The following DLGAP1 variants were observed in gnomAD, a reference collection of about 807,000 sequenced individuals.
DLGAP1 encodes the protein disks large-associated protein 1.
A neutral mutation model predicts 90.8 loss-of-function variants in DLGAP1; 11 were observed. That is an observed-to-expected ratio of 0.12 (90% CI 0.08 to 0.20). DLGAP1 has a LOEUF of 0.20. Ranked by LOEUF, DLGAP1 falls within the 10% of genes least tolerant of loss-of-function variation. The pLI, the probability that DLGAP1 is intolerant of heterozygous loss-of-function variation, is 1.00. For synonymous variants in DLGAP1, 558 were observed against 540.7 expected, an observed-to-expected ratio of 1.03 and a Z score of -0.44; for missense variants, 1,050 against 1,333.8, an observed-to-expected ratio of 0.79 and a Z score of 3.31.
chr18:4,144,441 C>CA (rs2076549558), intron 2 of DLGAP1, among the ~76,000 whole-genome samples: 1 of 152,194 alleles, frequency 6.6e-6, no homozygotes, highest in Non-Finnish European at 1.5e-5. Context: ...TCCCTCCCCC[C>CA]AGGCACACCG....
chr18:4,402,401 A>G (rs1287045919), intron 1 of DLGAP1, among the ~76,000 whole-genome samples: 1 of 152,260 alleles, frequency 6.6e-6, no homozygotes, highest in Non-Finnish European at 1.5e-5. Context: ...AATGTTAGGA[A>G]CTAAAATATA....
intron 2 of DLGAP1, among the ~76,000 whole-genome samples, chr18:4,016,769 GAGAAGGCAGGGCTCCTGAGC>G (rs745514209): frequency 1.2e-4 from 18 of 152,210 alleles, no homozygotes; most frequent in Non-Finnish European, 1.0e-4. Flanking sequence ...CACTGCAAGG[GAGAAGGCAGGGCTCCTGAGC>G]TCAGTTCAGG....
chr18:3,649,895 A>G (rs187135223), intron 7 of DLGAP1, among the ~76,000 whole-genome samples: 1 of 152,308 alleles, frequency 6.6e-6, no homozygotes, highest in Non-Finnish European at 1.5e-5. Context: ...TAATCACAAG[A>G]TGACAAATGG....
intron 5 of DLGAP1, among the ~76,000 whole-genome samples, chr18:3,791,166 T>C (rs368409338): frequency 6.6e-6 from 1 of 152,158 alleles, no homozygotes; most frequent in East Asian, 1.9e-4. Context: ...CTCCTCAGGA[T>C]ATGAAAAATG....
At chr18:3,886,870 A>G (rs559233448) in intron 3 of DLGAP1, among the ~76,000 whole-genome samples, 3 of 152,344 alleles carry the variant, frequency 2.0e-5, no homozygotes, top group African/African-American at 7.2e-5. Context: ...AGTGAGGGGC[A>G]TACGCTTCTT....
chr18:4,432,451 C>T (rs1426612917), intron 1 of DLGAP1, among the ~76,000 whole-genome samples: 2 of 150,424 alleles, frequency 1.3e-5, no homozygotes, highest in East Asian at 3.9e-4. Context: ...TCCAATAGCT[C>T]TAATTTTAAA....
chr18:4,334,212 C>A (rs183339352), intron 1 of DLGAP1, among the ~76,000 whole-genome samples: 1 of 151,434 alleles, frequency 6.6e-6, no homozygotes, highest in Non-Finnish European at 1.5e-5. Context: ...CACTCCAGCC[C>A]GGGCAACAAG....
At chr18:3,884,274 T>C (rs2071253328) in intron 3 of DLGAP1, among the ~76,000 whole-genome samples, 1 of 152,236 alleles carries the variant, frequency 6.6e-6, no homozygotes, top group Non-Finnish European at 1.5e-5. Context: ...GAGGACATTT[T>C]TGCCTTTCAA....
chr18:3,558,541 T>C (rs760805229), intron 9 of DLGAP1, among the ~76,000 whole-genome samples: 227 of 152,270 alleles, frequency 1.5e-3, no homozygotes, highest in Non-Finnish European at 2.6e-3. Context: ...CTAGAATTCA[T>C]GTATTTTGAA....
chr18:3,611,991 G>A (rs545277164), intron 7 of DLGAP1, among the ~76,000 whole-genome samples: 26 of 152,346 alleles, frequency 1.7e-4, no homozygotes, highest in Middle Eastern at 3.4e-3. Context: ...AGCCCTAAGT[G>A]TATCCACTTA....
chr18:3,929,105 G>A (rs1460379948), intron 3 of DLGAP1, among the ~76,000 whole-genome samples: 1 of 152,278 alleles, frequency 6.6e-6, no homozygotes, highest in East Asian at 1.9e-4. Context: ...ATGGAGAACT[G>A]TGAGCCAGCT....
chr18:3,747,159 G>A (rs1404301046), intron 5 of DLGAP1, among the ~76,000 whole-genome samples: 2 of 152,038 alleles, frequency 1.3e-5, no homozygotes, highest in Non-Finnish European at 2.9e-5. Flanking sequence ...GACCAGCCTG[G>A]GCTACATAGT....
chr18:4,394,251 C>T (rs964087215), intron 1 of DLGAP1, among the ~76,000 whole-genome samples: 13 of 152,226 alleles, frequency 8.5e-5, no homozygotes, highest in East Asian at 3.9e-4. Context: ...CTAGATGACA[C>T]GGATTTCGCT....
intron 10 of DLGAP1, among the ~76,000 whole-genome samples, chr18:3,512,183 G>A (rs2050583570): frequency 6.6e-6 from 1 of 152,094 alleles, no homozygotes; most frequent in African/African-American, 2.4e-5. Flanking sequence ...GTGTCAGCCA[G>A]GCAAGCCGTT....
chr18:4,001,642 C>G (rs1410436405), intron 3 of DLGAP1, among the ~76,000 whole-genome samples: 1 of 152,194 alleles, frequency 6.6e-6, no homozygotes, highest in East Asian at 1.9e-4. Context: ...CCTCCACTTG[C>G]ATCTGCGTCT....
intron 2 of DLGAP1, among the ~76,000 whole-genome samples, chr18:4,050,559 G>A (rs182310201): frequency 8.9e-4 from 135 of 152,210 alleles, no homozygotes; most frequent in African/African-American, 3.0e-3. Flanking sequence ...TTCTATCCAC[G>A]TTATTAATAC....
At chr18:3,588,296 C>T (rs1243089252) in intron 7 of DLGAP1, among the ~76,000 whole-genome samples, 2 of 152,098 alleles carry the variant, frequency 1.3e-5, no homozygotes, top group Admixed American at 1.3e-4. Context: ...CCCATCTCTA[C>T]TAAAAATACA....
chr18:3,604,984 G>A (rs2057260097), intron 7 of DLGAP1, among the ~76,000 whole-genome samples: 1 of 152,138 alleles, frequency 6.6e-6, no homozygotes, highest in Non-Finnish European at 1.5e-5. Context: ...GGAGAAATAC[G>A]TTTCTACTTA....
chr18:4,106,722 C>G (rs576038951), intron 2 of DLGAP1, among the ~76,000 whole-genome samples: 2 of 152,134 alleles, frequency 1.3e-5, no homozygotes, highest in Non-Finnish European at 2.9e-5. Flanking sequence ...AAAAGTTGTA[C>G]GTAGAAGAAT....
Sources: gnomAD v4.1 joint callset for allele counts (sites outside exome capture counted in the v4.1 genomes callset) on GRCh38, gnomAD v4.1.1 for gene constraint, MANE v1.5 for transcripts, NCBI Gene and HGNC (gene_info 2026-07-23, HGNC 2026-07-21) for gene names.